SGK3: variants seen among roughly 807,000 people sequenced by gnomAD.
SGK3 encodes the protein serum/glucocorticoid regulated kinase family member 3, also known as serine/threonine-protein kinase Sgk3.
A neutral mutation model predicts 68.5 loss-of-function variants in SGK3; 47 were observed. That is an observed-to-expected ratio of 0.69 (90% CI 0.54 to 0.87). The LOEUF (loss-of-function observed/expected upper bound fraction) is 0.87. Among genes scored for constraint, SGK3 ranks in the 40% least tolerant of loss-of-function variants. The probability of loss-of-function intolerance (pLI) is 0.00; values close to 1 mark genes in which losing one functional copy is unlikely to be tolerated. For missense variants in SGK3, 479 were observed against 575.5 expected (o/e 0.83, Z 1.72); for synonymous variants, 181 against 189.1 (o/e 0.96, Z 0.35).
intron 5 of SGK3, among the ~76,000 whole-genome samples, chr8:66,817,603 C>T (rs546341006): frequency 2.4e-4 from 37 of 152,076 alleles, no homozygotes; most frequent in Non-Finnish European, 4.1e-4. Context: ...TCTCCCCCCT[C>T]GGCCTCCTGA....
intron 1 of SGK3, among the ~76,000 whole-genome samples, chr8:66,736,269 T>C (rs966748740): frequency 6.6e-5 from 10 of 152,126 alleles, no homozygotes; most frequent in African/African-American, 1.9e-4. Context: ...TTTTAAAAAT[T>C]AATATAACAA....
chr8:66,732,853 A>AT (rs1309524531), intron 1 of SGK3, among the ~76,000 whole-genome samples: 4 of 147,602 alleles, frequency 2.7e-5, no homozygotes, highest in African/African-American at 1.1e-4. Context: ...CATAAATTTT[A>AT]TTAAAAAAAA....
At chr8:66,822,014 T>C (rs975295735) in intron 5 of SGK3, among the ~76,000 whole-genome samples, 1 of 151,144 alleles carries the variant, frequency 6.6e-6, no homozygotes, top group African/African-American at 2.4e-5. Flanking sequence ...ACTTTTGGTA[T>C]TATCTGTCTT....
In SGK3 at chr8:66,793,655, G is replaced by T; in HGVS notation, c.-82G>T. The stretch of plus-strand genomic sequence containing the variant: ...TTTGAACATTACTTCAAGAGGTTTT[G>T]TATTTTGGATTAGTTAATTGGGTTT... On this transcript the variant is annotated 5_prime_UTR_variant, in exon 2 of 17. Coordinates refer to ENST00000521198, the MANE Select transcript of SGK3 (RefSeq NM_001033578.3). 1 of 1,283,096 alleles carries T rather than the reference G, an allele frequency of 7.8e-7. No homozygotes were observed. Among genetic ancestry groups the T allele is most frequent in the Non-Finnish European group, 1.1e-6 (1 of 938,138 alleles). 79.5% of individuals were successfully genotyped at this position (1,283,096 alleles called of 1,614,324 possible).
chr8:66,808,791 C>T (rs1305818793), intron 4 of SGK3, among the ~76,000 whole-genome samples: 1 of 151,124 alleles, frequency 6.6e-6, no homozygotes, highest in South Asian at 2.1e-4. Flanking sequence ...TGATTACAGG[C>T]GTGAGCCACT....
intron 16 of SGK3, 24 bp downstream of exon 16, chr8:66,850,944 T>A: frequency 1.3e-6 from 2 of 1,578,700 alleles, no homozygotes; most frequent in Non-Finnish European, 1.7e-6. Context: ...CAAATCTTTC[T>A]TTCTAGAATC....
chr8:66,725,895 A>T (rs1006258258), intron 1 of SGK3, among the ~76,000 whole-genome samples: 1 of 151,934 alleles, frequency 6.6e-6, no homozygotes, highest in African/African-American at 2.4e-5. Flanking sequence ...CCTAATAAAA[A>T]CTCTTAGATA....
chr8:66,778,718 AAGTC>A (rs1220963205), intron 1 of SGK3, among the ~76,000 whole-genome samples: 1 of 152,250 alleles, frequency 6.6e-6, no homozygotes, highest in African/African-American at 2.4e-5. Context: ...GACAAGGAAA[AAGTC>A]AGTACCAAGT....
At chr8:66,765,700 G>A (rs915225043) in intron 1 of SGK3, among the ~76,000 whole-genome samples, 2 of 151,672 alleles carry the variant, frequency 1.3e-5, no homozygotes, top group African/African-American at 4.9e-5. Flanking sequence ...TGACCCATGG[G>A]TTATTAGGGC....
chr8:66,813,209 A>C (rs1037715542), intron 4 of SGK3, among the ~76,000 whole-genome samples: 2 of 152,114 alleles, frequency 1.3e-5, no homozygotes, highest in African/African-American at 2.4e-5. Flanking sequence ...AGCCTAGATC[A>C]CACCACTGCA....
chr8:66,779,964 C>T (rs1806907614), intron 1 of SGK3, among the ~76,000 whole-genome samples: 2 of 151,928 alleles, frequency 1.3e-5, no homozygotes, highest in African/African-American at 4.8e-5. Context: ...CTGTGTTTAT[C>T]CTGAGTTCTC....
At chr8:66,768,000 A>G (rs1397851897) in intron 1 of SGK3, 1 of 776,146 alleles carries the variant, frequency 1.3e-6, no homozygotes, top group South Asian at 1.4e-5. Flanking sequence ...AGATCAGAGT[A>G]GCCATTCTGG....
chr8:66,742,348 T>C (rs1805506050), intron 1 of SGK3, among the ~76,000 whole-genome samples: 1 of 152,118 alleles, frequency 6.6e-6, no homozygotes, highest in Non-Finnish European at 1.5e-5. Context: ...TCACATGTTA[T>C]ATATTTCTCC....
intron 5 of SGK3, among the ~76,000 whole-genome samples, chr8:66,817,679 A>G (rs1808650933): frequency 6.6e-6 from 1 of 152,200 alleles, no homozygotes; most frequent in Admixed American, 6.5e-5. Context: ...AGATTACTTT[A>G]TTAAAAACAA....
chr8:66,793,468 A>G (rs1243680269), intron 1 of SGK3, 148 bp from the exon 2 acceptor site: 2 of 267,866 alleles, frequency 7.5e-6, no homozygotes. Context: ...GAACATAACA[A>G]ACTAAATCTC....
chr8:66,809,854 A>G (rs1030806461), intron 4 of SGK3, among the ~76,000 whole-genome samples: 1 of 152,168 alleles, frequency 6.6e-6, no homozygotes, highest in Non-Finnish European at 1.5e-5. Context: ...GCTCACTCAT[A>G]TGGTTTTTGG....
chr8:66,809,755 G>C (rs1269657945), intron 4 of SGK3, among the ~76,000 whole-genome samples: 7 of 152,182 alleles, frequency 4.6e-5, no homozygotes, highest in South Asian at 2.1e-4. Flanking sequence ...GAAAATCCTC[G>C]TACAACTTCT....
chr8:66,835,619 G>C, intron 8 of SGK3, 144 bp from the exon 9 acceptor site: 1 of 882,864 alleles, frequency 1.1e-6, no homozygotes, highest in East Asian at 2.8e-5. Context: ...CTGATTACTT[G>C]ATTTTTAAAA....
intron 1 of SGK3, among the ~76,000 whole-genome samples, chr8:66,782,517 T>C (rs1223702460): frequency 6.6e-6 from 1 of 152,174 alleles, no homozygotes; most frequent in East Asian, 1.9e-4. Flanking sequence ...TCCATTAGGG[T>C]TCACTCCTGG....
Sources: allele counts gnomAD v4.1 joint callset (sites outside exome capture counted in the v4.1 genomes callset), GRCh38; gene constraint gnomAD v4.1.1; transcripts MANE v1.5; gene names NCBI Gene and HGNC (gene_info 2026-07-23, HGNC 2026-07-21).